Variants in TTC12 observed in about 807,000 individuals in gnomAD.
TTC12 encodes the protein tetratricopeptide repeat domain 12, also known as tetratricopeptide repeat protein 12.
Under a neutral mutation model 90.1 loss-of-function variants are expected in TTC12, and 70 were observed. That is an observed-to-expected ratio of 0.78 (90% CI 0.64 to 0.95). The LOEUF (loss-of-function observed/expected upper bound fraction) is 0.95. Ranked by LOEUF, TTC12 falls within the 40% of genes least tolerant of loss-of-function variation. The probability of loss-of-function intolerance (pLI) is 0.00; values close to 1 mark genes in which losing one functional copy is unlikely to be tolerated. For synonymous variants in TTC12, 296 were observed against 311.5 expected, an observed-to-expected ratio of 0.95 and a Z score of 0.53; for missense variants, 819 against 846.1, an observed-to-expected ratio of 0.97 and a Z score of 0.40.
At chr11:113,359,251 A>T in intron 16 of TTC12, 112 bp from the exon 17 acceptor site, 1 of 675,970 alleles carries the variant, frequency 1.5e-6, no homozygotes, top group South Asian at 2.0e-5. Context: ...GGTTCATGAC[A>T]TTGGCAATTT....
At chr11:113,335,121 A>C (rs1408971251) in intron 8 of TTC12, 84 bp downstream of exon 8, 1 of 991,552 alleles carries the variant, frequency 1.0e-6, no homozygotes, top group East Asian at 2.4e-5. Context: ...ATGATTCTCC[A>C]AGCTGATTAG....
At chr11:113,315,737 A>G (rs540803872) in intron 1 of TTC12, among the ~76,000 whole-genome samples, 1 of 152,318 alleles carries the variant, frequency 6.6e-6, no homozygotes, top group African/African-American at 2.4e-5. Context: ...CCTTCAGTCA[A>G]TTTGTACCCT....
At chr11:113,339,100 T>C (rs140606545) in intron 9 of TTC12, among the ~76,000 whole-genome samples, 186 bp from the exon 10 acceptor site, 29 of 152,292 alleles carry the variant, frequency 1.9e-4, no homozygotes, top group African/African-American at 6.5e-4. Flanking sequence ...CAACAAGGTT[T>C]AAGATTCTGG....
rs1555147382 is a variant in TTC12, at chr11:113,344,426, C to T, written c.1140C>T (p.His380=). The T allele has an allele frequency of 6.2e-7, 1 of 1,613,724 alleles. No individual in the cohort carries two copies. The highest frequency in any genetic ancestry group is 1.7e-5 in the Admixed American group (1 of 59,978). The change falls in exon 13 of 22, where the codon CAC becomes CAT. Residue 380 remains histidine (H), a synonymous_variant. Coordinates refer to ENST00000529221, the MANE Select transcript of TTC12 (RefSeq NM_017868.4). ...TESGRSLIIN[H]LDLTRLLEAL... ...GCGGACGGAGCCTGATCATCAACCA[C>T]CTTGACCTGACCAGGTAAGCCTCTG...
intron 6 of TTC12, among the ~76,000 whole-genome samples, chr11:113,329,414 C>T (rs1048003431): frequency 1.3e-5 from 2 of 152,222 alleles, no homozygotes; most frequent in African/African-American, 4.8e-5. Flanking sequence ...GCTTTGTGCC[C>T]TGGAGGGCTG....
chr11:113,333,069 C>T (rs372618789), intron 7 of TTC12, among the ~76,000 whole-genome samples: 3 of 152,258 alleles, frequency 2.0e-5, no homozygotes, highest in African/African-American at 2.4e-5. Context: ...CCCACCATAC[C>T]TCTTGTTCAG....
chr11:113,322,653 C>T (rs566817198), intron 2 of TTC12, among the ~76,000 whole-genome samples: 2 of 152,232 alleles, frequency 1.3e-5, no homozygotes, highest in South Asian at 4.1e-4. Context: ...GAGTTTGGAC[C>T]AGTCCCCCAG....
intron 16 of TTC12, among the ~76,000 whole-genome samples, chr11:113,358,863 A>G (rs1341161234): frequency 1.3e-5 from 2 of 151,990 alleles, no homozygotes. Flanking sequence ...GCCTTTGGGG[A>G]CCAAGAACAA....
At position 113,344,331 on chromosome 11, in the gene TTC12, T is replaced by C. The variant is rs1948833185; in HGVS notation, c.1045T>C (p.Leu349=). Residue 349 remains leucine, a synonymous_variant, in exon 13 of 22, where the codon TTG becomes CTG. Transcript: ENST00000529221. Reference sequence around the variant, plus strand: ...CAGGGCCAGGCTGTTGGCCGCCCTCTTGTCCTCCAAGGTCCTGGCCATCCG... The same window carrying C: ...CAGGGCCAGGCTGTTGGCCGCCCTCCTGTCCTCCAAGGTCCTGGCCATCCG... ...HDRARLLAAL[L]SSKVLAIRQQ... 7.4e-6 allele frequency: 12 copies of C among 1,614,242 alleles called. No homozygotes were observed. Among genetic ancestry groups the C allele is most frequent in the Non-Finnish European group, 1.0e-5 (12 of 1,180,026 alleles).
downstream of TTC12, chr11:113,368,414 C>T (rs1950282937): frequency 5.2e-6 from 8 of 1,549,970 alleles, no homozygotes; most frequent in Non-Finnish European, 5.2e-6. Context: ...GGCCTCATCT[C>T]CACTTGCCAG....
At position 113,325,435 on chromosome 11, in the gene TTC12, G is replaced by A. The variant is rs61903986; in HGVS notation, c.323-89G>A. On this transcript the variant is annotated intron_variant, in intron 5 of 21. Coordinates refer to ENST00000529221, the MANE Select transcript of TTC12 (RefSeq NM_017868.4). ...AGGATCGATAGAAGTGAAGACCTTC[G>A]AAATAGAATTGGAAAATCGGGGGAA... The A allele has an allele frequency of 5.6e-3, 8,493 of 1,519,712 alleles. 36 individuals are homozygous for A. The highest frequency in any genetic ancestry group is 6.7e-3 in the Non-Finnish European group (7,452 of 1,114,416). 94.1% of individuals were successfully genotyped at this position (1,519,712 alleles called of 1,614,324 possible).
intron 11 of TTC12, chr11:113,341,539 T>C (rs903345194): frequency 5.0e-6 from 2 of 398,830 alleles, no homozygotes; most frequent in Non-Finnish European, 9.3e-6. Context: ...CCGTGTGGGT[T>C]GGAGTCACCA....
chr11:113,324,030 T>A lies in TTC12; in HGVS notation c.244+15T>A. The A allele has an allele frequency of 6.2e-7, 1 of 1,606,368 alleles. No homozygotes were observed. The highest frequency in any genetic ancestry group is 8.5e-7 in the Non-Finnish European group (1 of 1,173,436). ...AATAAACTCAGGTAAGGACAGCATC[T>A]CTCTTCCCAATTTTCATTCTTTATA... On this transcript the variant is annotated intron_variant, in intron 4 of 21. Transcript: ENST00000529221.
At chr11:113,320,369 A>G (rs1313811264) in intron 2 of TTC12, among the ~76,000 whole-genome samples, 4 of 152,248 alleles carry the variant, frequency 2.6e-5, no homozygotes, top group African/African-American at 9.6e-5. Flanking sequence ...TGAGGACACA[A>G]GCAGACAAAT....
intron 6 of TTC12, among the ~76,000 whole-genome samples, chr11:113,328,318 G>T (rs1028429039): frequency 1.7e-4 from 26 of 152,112 alleles, no homozygotes; most frequent in Non-Finnish European, 2.8e-4. Context: ...TAATAGAGAG[G>T]TTATAGTAGC....
At chr11:113,353,842 A>T (rs1325978492) in intron 16 of TTC12, among the ~76,000 whole-genome samples, 1 of 152,132 alleles carries the variant, frequency 6.6e-6, no homozygotes, top group African/African-American at 2.4e-5. Context: ...TTATACCAGT[A>T]CCATGTGTTT....
downstream of TTC12, chr11:113,368,563 A>C (rs1950288496): frequency 7.0e-7 from 1 of 1,420,666 alleles, no homozygotes; most frequent in Non-Finnish European, 9.7e-7. Context: ...CTGAAGCCAC[A>C]GCAGAGGTGG....
intron 13 of TTC12, among the ~76,000 whole-genome samples, chr11:113,349,545 T>C (rs1949153060): frequency 6.6e-6 from 1 of 152,258 alleles, no homozygotes; most frequent in South Asian, 2.1e-4. Flanking sequence ...GAACCAGTTA[T>C]AAACCAGGTC....
rs1555155603 is a variant in TTC12 at position 113,362,469 on chromosome 11, A to C, written c.1683A>C (p.Ala561=). Residue 561 remains alanine (A), a synonymous_variant, in exon 19 of 22, where the codon GCA becomes GCC. Transcript: ENST00000529221. ...AAATTGTTGAGGAGGCCTTGCGAGC[A>C]GGAGTGGTAAAGAAAATGATGAAAT... The part of the protein sequence containing the change: ...SLKIVEEALR[A]GVVKKMMKFL... The C allele has an allele frequency of 6.2e-7, 1 of 1,613,934 alleles. No homozygotes were observed. Among genetic ancestry groups the C allele is most frequent in the South Asian group, 1.1e-5 (1 of 91,086 alleles).
Sources: allele counts gnomAD v4.1 joint callset (sites outside exome capture counted in the v4.1 genomes callset), GRCh38; gene constraint gnomAD v4.1.1; transcripts MANE v1.5; gene names NCBI Gene and HGNC (gene_info 2026-07-23, HGNC 2026-07-21).